Variants in MCHR2 observed in about 807,000 individuals in gnomAD.
The protein encoded by MCHR2 is melanin concentrating hormone receptor 2.
Under a neutral mutation model 24.8 loss-of-function variants are expected in MCHR2, and 15 were observed. That is an observed-to-expected ratio of 0.60 (90% CI 0.40 to 0.93). The LOEUF is 0.93. Ranked by LOEUF, MCHR2 falls within the 40% of genes least tolerant of loss-of-function variation. MCHR2 has a pLI of 0.00. For missense variants in MCHR2, 386 were observed against 408.7 expected (o/e 0.94, Z 0.48); for synonymous variants, 151 against 147.6 (o/e 1.02, Z -0.17).
chr6:99,930,790 C>G (rs1455098699), intron 5 of MCHR2, among the ~76,000 whole-genome samples: 2 of 151,904 alleles, frequency 1.3e-5, no homozygotes, highest in Non-Finnish European at 2.9e-5. Flanking sequence ...TTTGAATTTC[C>G]TCTTGTAGCT....
intron 1 of MCHR2, among the ~76,000 whole-genome samples, chr6:99,956,666 A>T (rs1775067960): frequency 6.6e-5 from 10 of 152,118 alleles, no homozygotes; most frequent in Admixed American, 5.9e-4. Context: ...GACTATGTTG[A>T]AGCATGAGGG....
At chr6:99,931,013 T>A (rs890235202) in intron 5 of MCHR2, among the ~76,000 whole-genome samples, 1 of 152,088 alleles carries the variant, frequency 6.6e-6, no homozygotes, top group Non-Finnish European at 1.5e-5. Flanking sequence ...TACAGATGGG[T>A]TTTTGGTGTG....
intron 1 of MCHR2, among the ~76,000 whole-genome samples, chr6:99,972,213 C>A (rs1260001100): frequency 1.3e-5 from 2 of 152,160 alleles, no homozygotes; most frequent in Admixed American, 6.5e-5. Context: ...GGTTGGTAAG[C>A]TATTGATTAT....
chr6:99,993,722 C>T (rs779923222), intron 1 of MCHR2, among the ~76,000 whole-genome samples: 15 of 152,136 alleles, frequency 9.9e-5, no homozygotes, highest in Non-Finnish European at 2.1e-4. Context: ...CCACCCGCCC[C>T]GCTCCGTCTC....
intron 1 of MCHR2, among the ~76,000 whole-genome samples, chr6:99,973,291 T>C (rs921934171): frequency 1.3e-5 from 2 of 151,916 alleles, no homozygotes; most frequent in Non-Finnish European, 2.9e-5. Context: ...CTCTTCTTGT[T>C]GAATTGATCC....
At chr6:99,990,925 A>C (rs979600688) in intron 1 of MCHR2, among the ~76,000 whole-genome samples, 17 of 147,460 alleles carry the variant, frequency 1.2e-4, no homozygotes, top group Non-Finnish European at 2.5e-4. Flanking sequence ...CAGACCTTGG[A>C]GCCACATCTA....
At chr6:99,947,388 C>G (rs929384942) in intron 3 of MCHR2, among the ~76,000 whole-genome samples, 6 of 152,148 alleles carry the variant, frequency 3.9e-5, no homozygotes, top group Admixed American at 3.9e-4. Flanking sequence ...GCCACTAATT[C>G]TCTATGTGCT....
intron 4 of MCHR2, among the ~76,000 whole-genome samples, chr6:99,940,297 T>A (rs1268323009): frequency 6.6e-6 from 1 of 152,130 alleles, no homozygotes; most frequent in Admixed American, 6.6e-5. Flanking sequence ...TTTTTCTGAC[T>A]GTGTATTTTC....
chr6:99,928,908 T>A (rs1284712249), intron 5 of MCHR2, among the ~76,000 whole-genome samples: 2 of 152,340 alleles, frequency 1.3e-5, no homozygotes, highest in Non-Finnish European at 2.9e-5. Flanking sequence ...CTTGGTTTTC[T>A]ACTTCTTTTA....
In MCHR2 at chr6:99,951,617, T is replaced by C. The variant is rs888128260; in HGVS notation, c.183-3646A>G. 7.2e-5 allele frequency among the ~76,000 whole-genome samples: 11 copies of C among 152,124 alleles called. 1 individual carries two copies. In the East Asian group the frequency reaches 2.1e-3, roughly 29 times the overall value. On this transcript the variant is annotated intron_variant, in intron 2 of 5. Coordinates refer to ENST00000281806, the MANE Select transcript of MCHR2 (RefSeq NM_001040179.2). ...CTGAACAGATGTTGTTGCATGGTAC[T>C]CTGGCATCGAAAACATATCTGTGCA... is the stretch of plus-strand genomic sequence containing the variant.
At position 99,979,278 on chromosome 6, in the gene MCHR2, C is replaced by T. The variant is rs367896939; in HGVS notation, c.-28+14658G>A. ...GTACACGCAAGGAAAGAATCTGTCC[C>T]AGCCTGAAAGAATCCCTGCACTTTG... On this transcript the variant is annotated intron_variant, in intron 1 of 5. Coordinates refer to ENST00000281806, the MANE Select transcript of MCHR2 (RefSeq NM_001040179.2). 1.2e-4 allele frequency among the ~76,000 whole-genome samples: 18 copies of T among 152,276 alleles called. No homozygotes were observed. In the East Asian group the frequency reaches 1.9e-3, roughly 16 times the overall value.
intron 3 of MCHR2, 107 bp downstream of exon 3, chr6:99,947,655 A>G (rs754844962): frequency 7.7e-5 from 82 of 1,061,960 alleles, no homozygotes; most frequent in Non-Finnish European, 1.0e-4. Context: ...ACAAAGGAAG[A>G]AAACCTCTGC....
intron 1 of MCHR2, among the ~76,000 whole-genome samples, chr6:99,985,758 G>A (rs1383088570): frequency 6.6e-6 from 1 of 152,034 alleles, no homozygotes; most frequent in Admixed American, 6.6e-5. Flanking sequence ...TCTGGACATT[G>A]GCCTAGGCAA....
At chr6:99,953,977 G>A (rs1024929635) in intron 2 of MCHR2, among the ~76,000 whole-genome samples, 15 of 152,030 alleles carry the variant, frequency 9.9e-5, no homozygotes, top group African/African-American at 3.6e-4. Context: ...GCTGGCTGAT[G>A]AGACGCCACC....
intron 2 of MCHR2, among the ~76,000 whole-genome samples, chr6:99,953,944 C>T (rs541851944): frequency 2.1e-4 from 32 of 152,114 alleles, no homozygotes; most frequent in African/African-American, 7.5e-4. Context: ...GCAGAGATAG[C>T]GAAACTGAAG....
intron 1 of MCHR2, among the ~76,000 whole-genome samples, chr6:99,958,744 C>T (rs1775119212): frequency 6.6e-6 from 1 of 152,176 alleles, no homozygotes; most frequent in African/African-American, 2.4e-5. Flanking sequence ...CTGTGGCACC[C>T]TCTTGCCATA....
intron 5 of MCHR2, among the ~76,000 whole-genome samples, chr6:99,923,616 A>G (rs545116266): frequency 7.8e-4 from 119 of 152,124 alleles, no homozygotes; most frequent in African/African-American, 2.8e-3. Flanking sequence ...GTTGAATTTT[A>G]TCAGATGCTT....
intron 5 of MCHR2, among the ~76,000 whole-genome samples, chr6:99,926,939 A>G (rs958901576): frequency 6.6e-6 from 1 of 152,184 alleles, no homozygotes; most frequent in African/African-American, 2.4e-5. Context: ...GGTAATGCCT[A>G]GGTTTTCTTC....
intron 1 of MCHR2, among the ~76,000 whole-genome samples, chr6:99,966,452 C>T (rs1206157747): frequency 5.3e-5 from 8 of 152,062 alleles, no homozygotes; most frequent in East Asian, 1.9e-4. Context: ...GGGAAACTCA[C>T]CAAATCAAAT....
Sources: allele counts gnomAD v4.1 joint callset (sites outside exome capture counted in the v4.1 genomes callset), GRCh38; gene constraint gnomAD v4.1.1; transcripts MANE v1.5; gene names NCBI Gene and HGNC (gene_info 2026-07-23, HGNC 2026-07-21).